Variants in SLC25A45 observed in about 807,000 individuals in gnomAD.
SLC25A45 encodes solute carrier family 25 member 45.
SLC25A45 carries 22 observed loss-of-function variants against 23.0 expected under a neutral mutation model. The observed-to-expected ratio is 0.95, with a 90% CI of 0.68 to 1.36. The LOEUF (loss-of-function observed/expected upper bound fraction) is 1.36. Ranked by LOEUF, SLC25A45 falls within the 40% of genes most tolerant of loss-of-function variation. The pLI, the probability that SLC25A45 is intolerant of heterozygous loss-of-function variation, is 0.00. For synonymous variants in SLC25A45, 136 were observed against 155.0 expected (o/e 0.88, Z 0.91); for missense variants, 355 against 383.5 (o/e 0.93, Z 0.62).
intron 2 of SLC25A45, chr11:65,381,079 G>A (rs374906387): frequency 3.9e-5 from 6 of 154,276 alleles, no homozygotes; most frequent in African/African-American, 1.4e-4. Context: ...TCTTCCCATC[G>A]GCCACTCCCC....
In SLC25A45 at chr11:65,375,975, T is replaced by G. The variant is rs1590624226; in HGVS notation, c.*432A>C. ...TACTTGGGAGGCTGAGGCAGGAGAGTTGCTTGAACCCGGAAGGTGGAAAGG... is the reference window on the plus strand; with the variant it reads ...TACTTGGGAGGCTGAGGCAGGAGAGGTGCTTGAACCCGGAAGGTGGAAAGG... On this transcript the variant is annotated 3_prime_UTR_variant, in exon 7 of 7. Coordinates refer to ENST00000398802, the MANE Select transcript of SLC25A45 (RefSeq NM_182556.4). 3 of 165,714 alleles carry G rather than the reference T, an allele frequency of 1.8e-5. No homozygotes were observed. Among genetic ancestry groups the G allele is most frequent in the East Asian group, 1.7e-4 (1 of 5,940 alleles). The allele number at this position is 165,714 out of a possible 1,614,324, so 10.3% of individuals were successfully genotyped here. A position where few individuals can be genotyped will look rare whatever the true frequency, so the allele number is the denominator to read the frequency against.
intron 3 of SLC25A45, 40 bp downstream of exon 3, chr11:65,380,092 G>A: frequency 6.2e-7 from 1 of 1,601,454 alleles, no homozygotes; most frequent in Non-Finnish European, 8.6e-7. Flanking sequence ...TTTGGGTCAG[G>A]TGAGATCTTT....
intron 2 of SLC25A45, chr11:65,380,448 A>G: frequency 9.0e-7 from 1 of 1,115,108 alleles, no homozygotes. Context: ...CCAGCCAAAG[A>G]CGTACGTGTC....
chr11:65,377,162 AG>A, intron 5 of SLC25A45, 86 bp from the exon 6 acceptor site: 1 of 1,501,874 alleles, frequency 6.7e-7, no homozygotes, highest in Non-Finnish European at 8.9e-7. Context: ...GGAGGCAGGC[AG>A]GGGGCCACAT....
chr11:65,376,989 G>T lies in SLC25A45; in HGVS notation c.427C>A (p.Arg143=). The change falls in exon 6 of 7, where the codon CGG becomes AGG. Residue 143 remains arginine (R), a synonymous_variant. Transcript: ENST00000398802. ...PRAQPGSPPP[R]YQGPVHCAAS... is the part of the protein sequence containing the mutation. ...GCACAGTGCACGGGCCCCTGGTACC[G>T]GGGTGGGGGGCTCCCTGGCTGGGCC... 9.3e-6 allele frequency: 15 copies of T among 1,613,584 alleles called. No individual in the cohort carries two copies. Among genetic ancestry groups the T allele is most frequent in the Non-Finnish European group, 1.3e-5 (15 of 1,179,746 alleles).
At chr11:65,378,866 T>C (rs557491969) in intron 5 of SLC25A45, 151 of 157,698 alleles carry the variant, frequency 9.6e-4, no homozygotes, top group Middle Eastern at 3.2e-3. Flanking sequence ...AGTGCCTGAA[T>C]GGTTAATGCC....
intron 2 of SLC25A45, 117 bp from the exon 3 acceptor site, chr11:65,380,292 A>T: frequency 6.9e-7 from 1 of 1,459,792 alleles, no homozygotes. Flanking sequence ...GCCATCTCAG[A>T]CACATGCAGC....
At position 65,382,023 on chromosome 11, in the gene SLC25A45, G is replaced by T; in HGVS notation, c.-18-54C>A. The T allele has an allele frequency of 7.6e-7, 1 of 1,312,736 alleles. No homozygotes were observed. The highest frequency in any genetic ancestry group is 1.1e-6 in the Non-Finnish European group (1 of 905,488). The allele number at this position is 1,312,736 out of a possible 1,614,324, so 81.3% of individuals were successfully genotyped here. ...TGAATTCCCCCCTCTCCCTCCCCTG[G>T]CCCACGCTGATAACCTCCCACTAAT... On this transcript the variant is annotated intron_variant, in intron 1 of 6. Coordinates refer to ENST00000398802, the MANE Select transcript of SLC25A45 (RefSeq NM_182556.4). This position sits in a 1 kb window ranked among gnomAD's most constrained non-coding sequence, Gnocchi z 4.4.
Position 65,379,371 on chromosome 11 carries a change from C to T in SLC25A45, c.339+5G>A, listed in dbSNP as rs1565577926. ...CCTGTGTGTGCCCACTCACTGCCCC[C>T]TCACCTGCAGGAACCCCCCGGTGCA... On this transcript the variant is annotated splice_donor_5th_base_variant and intron_variant, in intron 5 of 6. Transcript: ENST00000398802. 9 of 1,607,556 alleles carry T rather than the reference C, an allele frequency of 5.6e-6. No homozygotes were observed. Among genetic ancestry groups the T allele is most frequent in the Non-Finnish European group, 7.6e-6 (9 of 1,179,832 alleles).
chr11:65,378,947 C>T (rs926309762), intron 5 of SLC25A45: 6 of 180,472 alleles, frequency 3.3e-5, no homozygotes, highest in Non-Finnish European at 7.0e-5. Flanking sequence ...AGTGTAGAGC[C>T]AGGCAGGGCC....
rs116974489 is a variant in SLC25A45, at chr11:65,380,489, C to T, written c.38-314G>A. On this transcript the variant is annotated intron_variant, in intron 2 of 6. Coordinates refer to ENST00000398802, the MANE Select transcript of SLC25A45 (RefSeq NM_182556.4). Reference sequence around the variant, plus strand: ...TGGAGCCCATACCCGGGTATCCCACCGCCTATGAGCCGCGGGACTCTGGGA... The same window carrying T: ...TGGAGCCCATACCCGGGTATCCCACTGCCTATGAGCCGCGGGACTCTGGGA... 1,958 of 1,354,648 alleles carry T rather than the reference C, an allele frequency of 1.4e-3. 21 individuals carry two copies. The East Asian group carries it at 0.033, about 23-fold the overall frequency. 83.9% of individuals were successfully genotyped at this position (1,354,648 alleles called of 1,614,324 possible).
Position 65,376,635 on chromosome 11 carries a change from A to C in SLC25A45, c.639T>G (p.Ile213Met), listed in dbSNP as rs1452944168. The change falls in exon 7 of 7, where the codon ATT (isoleucine) becomes ATG (methionine). Residue 213 changes from isoleucine (I) to methionine (M), a missense_variant. By Grantham distance (10) the Ile-to-Met change is conservative. Coordinates refer to ENST00000398802, the MANE Select transcript of SLC25A45 (RefSeq NM_182556.4). ...TVLVAGGFAG[I>M]ASWVAATPLD... ...AGGGCGTGGCTGCCACCCAGGAAGC[A>C]ATGCCTGCAAAGCCCCCTGCCACCA... is the stretch of plus-strand genomic sequence containing the variant. The C allele has an allele frequency of 6.2e-7, 1 of 1,614,028 alleles. No individual in the cohort carries two copies. The highest frequency in any genetic ancestry group is 8.5e-7 in the Non-Finnish European group (1 of 1,179,942).
intron 4 of SLC25A45, 69 bp from the exon 5 acceptor site, chr11:65,379,630 C>A: frequency 6.7e-7 from 1 of 1,482,024 alleles, no homozygotes; most frequent in Middle Eastern, 1.8e-4. Context: ...CCACCCCTGG[C>A]AAGGCAGCCT....
At position 65,382,020 on chromosome 11, in the gene SLC25A45, C is replaced by T; in HGVS notation, c.-18-51G>A. 7 of 1,315,816 alleles carry T rather than the reference C, an allele frequency of 5.3e-6. No individual in the cohort carries two copies. The South Asian group carries it at 8.2e-5, about 15-fold the overall frequency. 81.5% of individuals were successfully genotyped at this position (1,315,816 alleles called of 1,614,324 possible). On this transcript the variant is annotated intron_variant, in intron 1 of 6. Transcript: ENST00000398802. The surrounding 1 kb of genome is among the most constrained non-coding windows in gnomAD (Gnocchi z 4.4). ...AGTTGAATTCCCCCCTCTCCCTCCC[C>T]TGGCCCACGCTGATAACCTCCCACT...
rs745954311 is a variant in SLC25A45 at position 65,379,450 on chromosome 11, G to A, written c.265C>T (p.His89Tyr). ...NTLLVLTATS[H>Y]QERRAQPPSY... ...GGCGGCTGGGCCCGCCGCTCCTGGT[G>A]GGAGGTGGCCGTGAGCACCAGCAGG... Residue 89 changes from histidine to tyrosine, a missense_variant, in exon 5 of 7, where the codon CAC (histidine) becomes TAC (tyrosine). By Grantham distance (83) the His-to-Tyr change is moderately conservative. Coordinates refer to ENST00000398802, the MANE Select transcript of SLC25A45 (RefSeq NM_182556.4). 5.1e-5 allele frequency: 83 copies of A among 1,613,926 alleles called. 1 individual carries two copies. The highest frequency in any genetic ancestry group is 1.7e-6 in the Non-Finnish European group (2 of 1,180,010).
At position 65,380,117 on chromosome 11, in the gene SLC25A45, C is replaced by T. The variant is rs1279235986; in HGVS notation, c.81+15G>A. 6.2e-7 allele frequency: 1 copy of T among 1,612,208 alleles called. No homozygotes were observed. The highest frequency in any genetic ancestry group is 1.3e-5 in the African/African-American group (1 of 74,884). ...GTGAGATCTTTCATTCCTCTGGCAG[C>T]TCTCCTAAACTCACCTTTACAGTGT... On this transcript the variant is annotated intron_variant, in intron 3 of 6. Transcript: ENST00000398802.
rs756180344 is a variant in SLC25A45, at chr11:65,376,504, A to C, written c.770T>G (p.Val257Gly). 1 of 1,613,890 alleles carries C rather than the reference A, an allele frequency of 6.2e-7. No individual in the cohort carries two copies. The highest frequency in any genetic ancestry group is 1.7e-5 in the Admixed American group (1 of 59,998). The part of the protein sequence containing the change: ...VSSIRQEGLG[V>G]FFRGVTINSA... Reference sequence around the variant, plus strand: ...GTTGATGGTGACCCCCCGGAAGAAGACTCCCAGTCCTTCCTGCCGGATGCT... The same window carrying C: ...GTTGATGGTGACCCCCCGGAAGAAGCCTCCCAGTCCTTCCTGCCGGATGCT... The change falls in exon 7 of 7, where the codon GTC becomes GGC. Residue 257 changes from valine (V) to glycine (G), a missense_variant. Val to Gly is a moderately radical substitution (Grantham distance 109, BLOSUM62 -3). Transcript: ENST00000398802.
chr11:65,380,737 TGGGGGAGGTC>T, intron 2 of SLC25A45: 1 of 540,464 alleles, frequency 1.9e-6, no homozygotes, highest in South Asian at 1.8e-5. Flanking sequence ...TTCTGGAGTT[TGGGGGAGGTC>T]GCACCCCCAG....
rs559396610 is a variant in SLC25A45, at chr11:65,376,592, G to A, written c.682C>T (p.Arg228Trp). 3.4e-5 allele frequency: 55 copies of A among 1,614,016 alleles called. No individual in the cohort carries two copies. Among genetic ancestry groups the A allele is most frequent in the South Asian group, 7.7e-5 (7 of 91,092 alleles). Reference sequence around the variant, plus strand: ...CGTCTCAGTCCATCCATCTGCATCCGGGACTTGATCATGTCTAAGGGCGTG... The same window carrying A: ...CGTCTCAGTCCATCCATCTGCATCCAGGACTTGATCATGTCTAAGGGCGTG... Reference protein sequence around the residue: ...AATPLDMIKSRMQMDGLRRRV... With the variant: ...AATPLDMIKSWMQMDGLRRRV... The change falls in exon 7 of 7, where the codon CGG (arginine) becomes TGG (tryptophan). Residue 228 changes from arginine to tryptophan, a missense_variant. By Grantham distance (101) the Arg-to-Trp change is moderately radical. Transcript: ENST00000398802.
Sources: allele counts gnomAD v4.1 joint callset, GRCh38; gene constraint gnomAD v4.1.1; non-coding constraint Gnocchi (gnomAD v3.1); transcripts MANE v1.5; gene names NCBI Gene and HGNC (gene_info 2026-07-23, HGNC 2026-07-21).